TACR3: variants seen among roughly 807,000 people sequenced by gnomAD.
TACR3 encodes neuromedin-K receptor.
A neutral mutation model predicts 35.0 loss-of-function variants in TACR3; 34 were observed. The ratio of observed to expected loss-of-function variants is 0.97; its 90% CI spans 0.74 to 1.30. The LOEUF (loss-of-function observed/expected upper bound fraction) is 1.30, where lower values mean the gene tolerates loss of function less well. Ranked by LOEUF, TACR3 falls within the 50% of genes most tolerant of loss-of-function variation. TACR3 has a pLI of 0.00. For missense variants in TACR3, 558 were observed against 591.7 expected, an observed-to-expected ratio of 0.94 and a Z score of 0.59; for synonymous variants, 233 against 221.1, an observed-to-expected ratio of 1.05 and a Z score of -0.48.
chr4:103,641,792 C>T (rs931870679), intron 3 of TACR3, among the ~76,000 whole-genome samples: 1 of 151,852 alleles, frequency 6.6e-6, no homozygotes, highest in South Asian at 2.1e-4. Flanking sequence ...ACTAGTCAGC[C>T]TTTAAAAAGA....
In TACR3 at chr4:103,587,972, A is replaced by T. The variant is rs1381644839; in HGVS notation, c.*1710T>A. The T allele has an allele frequency of 6.7e-6, 1 of 149,180 alleles. No homozygotes were observed. The highest frequency in any genetic ancestry group is 1.5e-5 in the Non-Finnish European group (1 of 67,806). The allele number at this position is 149,180 out of a possible 1,614,324, so 9.2% of individuals were successfully genotyped here. Reference sequence around the variant, plus strand: ...ATTAAATGATTGAATGTGTAGGCACATTTGTATGTGTGTGTGTGTGTGTGT... The same window carrying T: ...ATTAAATGATTGAATGTGTAGGCACTTTTGTATGTGTGTGTGTGTGTGTGT... On this transcript the variant is annotated 3_prime_UTR_variant, in exon 5 of 5. Coordinates refer to ENST00000304883, the MANE Select transcript of TACR3 (RefSeq NM_001059.3).
intron 1 of TACR3, among the ~76,000 whole-genome samples, chr4:103,661,216 CAGAAGT>C (rs1725832447): frequency 6.6e-6 from 1 of 151,928 alleles, no homozygotes; most frequent in East Asian, 1.9e-4. Context: ...ACCAAAGAAT[CAGAAGT>C]AGAATTTTGC....
At chr4:103,631,138 G>C (rs1042260982) in intron 3 of TACR3, among the ~76,000 whole-genome samples, 2 of 152,030 alleles carry the variant, frequency 1.3e-5, no homozygotes, top group South Asian at 4.1e-4. Context: ...GAGAACACTG[G>C]GACACAGGGC....
intron 3 of TACR3, among the ~76,000 whole-genome samples, chr4:103,608,866 T>C (rs1192077938): frequency 6.6e-6 from 1 of 152,100 alleles, no homozygotes; most frequent in Non-Finnish European, 1.5e-5. Context: ...ATCTATTGTC[T>C]CCTAGTTTCT....
Position 103,692,819 on chromosome 4 carries a change from C to T in TACR3, c.548+26309G>A, listed in dbSNP as rs369430358. On this transcript the variant is annotated intron_variant, in intron 1 of 4. Coordinates refer to ENST00000304883, the MANE Select transcript of TACR3 (RefSeq NM_001059.3). ...AAACCTCAGTGTGAGTTCTGAGGGGCCAGGTTACTGCTAAGGGAGAGTCAT... is the reference window on the plus strand; with the variant it reads ...AAACCTCAGTGTGAGTTCTGAGGGGTCAGGTTACTGCTAAGGGAGAGTCAT... Among the ~76,000 whole-genome samples, 5 of 152,168 alleles carry T rather than the reference C, an allele frequency of 3.3e-5. No homozygotes were observed. The East Asian group carries it at 7.7e-4, about 24-fold the overall frequency.
At chr4:103,612,018 C>T (rs1724524297) in intron 3 of TACR3, among the ~76,000 whole-genome samples, 1 of 152,164 alleles carries the variant, frequency 6.6e-6, no homozygotes, top group Non-Finnish European at 1.5e-5. Flanking sequence ...TTGGCCTCTG[C>T]TTCCAAATAG....
At chr4:103,617,401 GTACTTGATAA>G (rs1181561631) in intron 3 of TACR3, among the ~76,000 whole-genome samples, 1 of 152,032 alleles carries the variant, frequency 6.6e-6, no homozygotes, top group Non-Finnish European at 1.5e-5. Flanking sequence ...TTGATAAAAA[GTACTTGATAA>G]TACTTGATTC....
intron 3 of TACR3, among the ~76,000 whole-genome samples, chr4:103,637,124 A>C (rs1201518784): frequency 6.6e-6 from 1 of 152,162 alleles, no homozygotes; most frequent in Non-Finnish European, 1.5e-5. Flanking sequence ...AGCCAGGCAG[A>C]GACACAACCA....
chr4:103,587,856 G>A lies in TACR3; in HGVS notation c.*1826C>T, dbSNP rs1325102854. ...TTGCTTATTTAAAACATGCACACAAGCTTCACAGACTTTATTGAGCATATG... is the reference window on the plus strand; with the variant it reads ...TTGCTTATTTAAAACATGCACACAAACTTCACAGACTTTATTGAGCATATG... On this transcript the variant is annotated 3_prime_UTR_variant, in exon 5 of 5. Transcript: ENST00000304883. 1.3e-5 allele frequency: 2 copies of A among 152,010 alleles called. No individual in the cohort carries two copies. The highest frequency in any genetic ancestry group is 2.9e-5 in the Non-Finnish European group (2 of 67,954). 9.4% of individuals were successfully genotyped at this position (152,010 alleles called of 1,614,324 possible).
chr4:103,597,711 T>C (rs1560800002), intron 3 of TACR3, among the ~76,000 whole-genome samples: 1 of 152,092 alleles, frequency 6.6e-6, no homozygotes, highest in Non-Finnish European at 1.5e-5. Flanking sequence ...AGTTTGGTTT[T>C]TTGTCCTTGT....
At chr4:103,608,941 G>A (rs901187859) in intron 3 of TACR3, among the ~76,000 whole-genome samples, 3 of 152,164 alleles carry the variant, frequency 2.0e-5, no homozygotes, top group Admixed American at 6.5e-5. Flanking sequence ...ATAAATATTT[G>A]TAAAATCAAT....
intron 3 of TACR3, among the ~76,000 whole-genome samples, chr4:103,648,473 C>T (rs1402283898): frequency 1.3e-5 from 2 of 151,888 alleles, no homozygotes; most frequent in African/African-American, 2.4e-5. Flanking sequence ...CTTCCTTCTA[C>T]TCTCTATCTC....
At chr4:103,629,232 G>A (rs1404914095) in intron 3 of TACR3, among the ~76,000 whole-genome samples, 1 of 152,096 alleles carries the variant, frequency 6.6e-6, no homozygotes, top group Non-Finnish European at 1.5e-5. Flanking sequence ...ACTGGCACAA[G>A]ACAAGGATGC....
At chr4:103,591,098 C>T (rs766503896) in intron 4 of TACR3, 6 of 266,370 alleles carry the variant, frequency 2.3e-5, no homozygotes, top group Non-Finnish European at 4.4e-5. Context: ...ATCTCTCCAT[C>T]TTATAGAAAT....
At chr4:103,714,202 A>T (rs1343006454) in intron 1 of TACR3, among the ~76,000 whole-genome samples, 2 of 152,120 alleles carry the variant, frequency 1.3e-5, no homozygotes, top group Non-Finnish European at 2.9e-5. Context: ...ATGCCTGTTA[A>T]ATATGCCATA....
At chr4:103,597,225 A>C (rs867855512) in intron 3 of TACR3, among the ~76,000 whole-genome samples, 18 of 149,700 alleles carry the variant, frequency 1.2e-4, no homozygotes, top group African/African-American at 3.4e-4. Context: ...CCAACAGTGT[A>C]AAAGTGTTCC....
At chr4:103,712,385 A>T (rs972067342) in intron 1 of TACR3, among the ~76,000 whole-genome samples, 3 of 152,224 alleles carry the variant, frequency 2.0e-5, no homozygotes, top group African/African-American at 7.2e-5. Flanking sequence ...AGGATTCCCT[A>T]TTTAATAAAT....
At chr4:103,686,796 C>G (rs981695634) in intron 1 of TACR3, among the ~76,000 whole-genome samples, 2 of 152,160 alleles carry the variant, frequency 1.3e-5, no homozygotes, top group Non-Finnish European at 2.9e-5. Flanking sequence ...GATGGATTCA[C>G]AGCCAAATTC....
At chr4:103,672,476 T>C (rs1726077517) in intron 1 of TACR3, among the ~76,000 whole-genome samples, 1 of 152,212 alleles carries the variant, frequency 6.6e-6, no homozygotes, top group African/African-American at 2.4e-5. Flanking sequence ...ATCAGAGCTC[T>C]TGGGTTACTA....
Sources: allele counts gnomAD v4.1 joint callset (sites outside exome capture counted in the v4.1 genomes callset), GRCh38; gene constraint gnomAD v4.1.1; transcripts MANE v1.5; gene names NCBI Gene and HGNC (gene_info 2026-07-23, HGNC 2026-07-21).